The following CCDC88A variants were observed in gnomAD, a reference collection of about 807,000 sequenced individuals.
CCDC88A encodes girdin.
A neutral mutation model predicts 234.3 loss-of-function variants in CCDC88A; 54 were observed. That is an observed-to-expected ratio of 0.23 (90% CI 0.19 to 0.29). The LOEUF is 0.29. CCDC88A is among the 10% of genes least tolerant of loss of function. CCDC88A has a pLI of 1.00. For synonymous variants in CCDC88A, 753 were observed against 737.8 expected, an observed-to-expected ratio of 1.02 and a Z score of -0.33; for missense variants, 1,832 against 2,123.4, an observed-to-expected ratio of 0.86 and a Z score of 2.70.
intron 25 of CCDC88A, chr2:55,308,144 A>C (rs986486113): frequency 1.3e-5 from 2 of 152,314 alleles, no homozygotes; most frequent in African/African-American, 4.8e-5. Flanking sequence ...CATGTTGGTC[A>C]TGCTGGTCTC....
intron 2 of CCDC88A, chr2:55,417,860 A>G (rs1418966092): frequency 6.6e-6 from 1 of 152,080 alleles, no homozygotes; most frequent in East Asian, 1.9e-4. Context: ...TTGATAACAC[A>G]CCAATTTCCC....
chr2:55,378,738 C>CTTTTTTT (rs79242911), intron 3 of CCDC88A, among the ~76,000 whole-genome samples: 1 of 142,888 alleles, frequency 7.0e-6, no homozygotes, highest in Non-Finnish European at 1.5e-5. Flanking sequence ...TACACATATA[C>CTTTTTTT]TTTTTTTTTT....
chr2:55,409,738 C>CTTTT lies in CCDC88A; in HGVS notation c.164+9074_164+9077dup, dbSNP rs61703330. Among the ~76,000 whole-genome samples the CTTTT allele has an allele frequency of 1.5e-4, 17 of 111,732 alleles. 1 individual carries two copies. Among genetic ancestry groups the CTTTT allele is most frequent in the African/African-American group, 2.9e-4 (7 of 23,978 alleles). 73.3% of individuals were successfully genotyped at this position (111,732 alleles called of 152,430 possible). ...CAGGGGGATGTGCCTATATACCTCC[C>CTTTT]TTTTTTTTTTTTTTTTTTTTTTCAG... On this transcript the variant is annotated intron_variant, in intron 2 of 32. Transcript: ENST00000436346.
chr2:55,381,753 T>C (rs1174576883), intron 3 of CCDC88A, among the ~76,000 whole-genome samples: 1 of 152,182 alleles, frequency 6.6e-6, no homozygotes. Context: ...TAATTCTTTC[T>C]TCACAGTAAG....
At chr2:55,311,253 G>T (rs1348582796) in intron 23 of CCDC88A, among the ~76,000 whole-genome samples, 1 of 152,190 alleles carries the variant, frequency 6.6e-6, no homozygotes, top group Non-Finnish European at 1.5e-5. Flanking sequence ...ACTAAAGGTG[G>T]AGCCCAAGTT....
In CCDC88A at chr2:55,289,017, G is replaced by T. The variant is rs1262853859; in HGVS notation, c.*2183C>A. 6.6e-6 allele frequency: 1 copy of T among 152,544 alleles called. No homozygotes were observed. The highest frequency in any genetic ancestry group is 1.5e-5 in the Non-Finnish European group (1 of 68,010). 9.4% of individuals were successfully genotyped at this position (152,544 alleles called of 1,614,324 possible). On this transcript the variant is annotated 3_prime_UTR_variant, in exon 33 of 33. Transcript: ENST00000436346. ...AATTGAGATTATTCATATTTTTGTAGTCTCAATGTGTTCCCTTGGTTGTCT... is the reference window on the plus strand; with the variant it reads ...AATTGAGATTATTCATATTTTTGTATTCTCAATGTGTTCCCTTGGTTGTCT...
At chr2:55,315,358 C>T (rs1195858533) in intron 22 of CCDC88A, 1 of 152,256 alleles carries the variant, frequency 6.6e-6, no homozygotes, top group Non-Finnish European at 1.5e-5. Flanking sequence ...CAGACAACCA[C>T]AGTTCCTTCC....
At chr2:55,367,488 A>G (rs868644430) in intron 5 of CCDC88A, among the ~76,000 whole-genome samples, 11 of 131,508 alleles carry the variant, frequency 8.4e-5, no homozygotes, top group African/African-American at 1.2e-4. Flanking sequence ...AAATATTCTC[A>G]GAAAAACAAA....
intron 5 of CCDC88A, among the ~76,000 whole-genome samples, chr2:55,370,986 C>T (rs1384309604): frequency 6.6e-6 from 1 of 152,118 alleles, no homozygotes; most frequent in African/African-American, 2.4e-5. Flanking sequence ...TGCACTCCTG[C>T]CTGACAGAGT....
intron 21 of CCDC88A, among the ~76,000 whole-genome samples, chr2:55,316,669 A>C (rs1683020102): frequency 6.6e-6 from 1 of 152,190 alleles, no homozygotes; most frequent in African/African-American, 2.4e-5. Flanking sequence ...TAGTAGTTTG[A>C]GGTTGCAGTA....
chr2:55,292,477 A>G (rs190507062), intron 31 of CCDC88A: 1 of 152,334 alleles, frequency 6.6e-6, no homozygotes, highest in African/African-American at 2.4e-5. Flanking sequence ...ACTTACAGAA[A>G]GTATTGTTTT....
chr2:55,370,523 C>A (rs539625182), intron 5 of CCDC88A, among the ~76,000 whole-genome samples: 10 of 151,614 alleles, frequency 6.6e-5, no homozygotes, highest in Admixed American at 6.6e-4. Context: ...CATCTATCAT[C>A]CCAGCTACTT....
chr2:55,309,326 G>T lies in CCDC88A; in HGVS notation c.4080-72C>A. ...AGCTATGAATATTAAATTATTTGGT[G>T]ACTGTGATCTAATGTCTCCCCAAAA... On this transcript the variant is annotated intron_variant, in intron 23 of 32. Transcript: ENST00000436346. The surrounding 1 kb of genome is among the most constrained non-coding windows in gnomAD (Gnocchi z 5.1). 2.8e-6 allele frequency: 2 copies of T among 711,886 alleles called. No individual in the cohort carries two copies. The highest frequency in any genetic ancestry group is 1.9e-5 in the South Asian group (1 of 53,866). 44.1% of individuals were successfully genotyped at this position (711,886 alleles called of 1,614,324 possible). A position where few individuals can be genotyped will look rare whatever the true frequency, so the allele number is the denominator to read the frequency against.
In CCDC88A at chr2:55,315,915, T is replaced by G. The variant is rs1174728318; in HGVS notation, c.3933+13A>C. 6.8e-7 allele frequency: 1 copy of G among 1,462,916 alleles called. No individual in the cohort carries two copies. The highest frequency in any genetic ancestry group is 9.1e-7 in the Non-Finnish European group (1 of 1,099,588). 90.6% of individuals were successfully genotyped at this position (1,462,916 alleles called of 1,614,324 possible). A position where few individuals can be genotyped will look rare whatever the true frequency, so the allele number is the denominator to read the frequency against. On this transcript the variant is annotated intron_variant, in intron 22 of 32. Transcript: ENST00000436346. Reference sequence around the variant, plus strand: ...TAAATGAAGGACACAGTGATTAAACTTTTTAAGCTCACCTCACACTGGTTA... The same window carrying G: ...TAAATGAAGGACACAGTGATTAAACGTTTTAAGCTCACCTCACACTGGTTA...
At chr2:55,395,275 T>C (rs989695394) in intron 2 of CCDC88A, among the ~76,000 whole-genome samples, 1 of 152,246 alleles carries the variant, frequency 6.6e-6, no homozygotes, top group Non-Finnish European at 1.5e-5. Flanking sequence ...ACAGCACACC[T>C]GGCATATCCA....
At chr2:55,300,591 A>T (rs977483015) in intron 28 of CCDC88A, 1 of 152,358 alleles carries the variant, frequency 6.6e-6, no homozygotes, top group Non-Finnish European at 1.5e-5. Flanking sequence ...GCTCACTGCA[A>T]CCTCCGCCTC....
chr2:55,357,600 G>C lies in CCDC88A; in HGVS notation c.628-1849C>G, dbSNP rs116303901. The stretch of plus-strand genomic sequence containing the variant: ...TAAACTGTCTTACATAGCAATTTCA[G>C]CTGTACTACTATTCTAGAAAGAATG... On this transcript the variant is annotated intron_variant, in intron 7 of 32. Transcript: ENST00000436346. 3.3e-3 allele frequency among the ~76,000 whole-genome samples: 498 copies of C among 152,178 alleles called. 2 individuals are homozygous for C. Among genetic ancestry groups the C allele is most frequent in the Admixed American group, 5.5e-3 (84 of 15,284 alleles).
At chr2:55,365,395 TAC>T (rs1414400638) in intron 5 of CCDC88A, among the ~76,000 whole-genome samples, 13 of 152,320 alleles carry the variant, frequency 8.5e-5, no homozygotes, top group Non-Finnish European at 1.3e-4. Context: ...ATTGTTGACC[TAC>T]ACAGTTTCTG....
At chr2:55,336,858 C>T (rs201608340) in intron 13 of CCDC88A, 40 bp from the exon 14 acceptor site, 2 of 1,300,046 alleles carry the variant, frequency 1.5e-6, no homozygotes, top group Non-Finnish European at 2.2e-6. Flanking sequence ...GTTAAATATT[C>T]TGTAACAGTG....
Sources: allele counts gnomAD v4.1 joint callset (sites outside exome capture counted in the v4.1 genomes callset), GRCh38; gene constraint gnomAD v4.1.1; non-coding constraint Gnocchi (gnomAD v3.1); transcripts MANE v1.5; gene names NCBI Gene and HGNC (gene_info 2026-07-23, HGNC 2026-07-21).